Variants in TTLL8 observed in about 807,000 individuals in gnomAD.
The protein encoded by TTLL8 is protein monoglycylase TTLL8.
A neutral mutation model predicts 77.8 loss-of-function variants in TTLL8; 65 were observed. That is an observed-to-expected ratio of 0.84 (90% CI 0.68 to 1.03). The LOEUF (loss-of-function observed/expected upper bound fraction) is 1.03. Ranked by LOEUF, TTLL8 falls within the 50% of genes least tolerant of loss-of-function variation. The pLI, the probability that TTLL8 is intolerant of heterozygous loss-of-function variation, is 0.00. For synonymous variants in TTLL8, 402 were observed against 422.8 expected, an observed-to-expected ratio of 0.95 and a Z score of 0.60; for missense variants, 910 against 1,004.5, an observed-to-expected ratio of 0.91 and a Z score of 1.27.
intron 12 of TTLL8, among the ~76,000 whole-genome samples, chr22:50,019,221 CAGA>C (rs2061181736): frequency 6.6e-6 from 1 of 152,056 alleles, no homozygotes; most frequent in Non-Finnish European, 1.5e-5. Flanking sequence ...ACCTCCAAAC[CAGA>C]AGAAGGAAAA....
Position 50,034,237 on chromosome 22 carries a change from C to T in TTLL8, c.1039+108G>A, listed in dbSNP as rs543939569. The T allele has an allele frequency of 1.4e-5, 17 of 1,210,714 alleles. No homozygotes were observed. The Admixed American group carries it at 4.5e-4, about 32-fold the overall frequency. 75.0% of individuals were successfully genotyped at this position (1,210,714 alleles called of 1,614,324 possible). On this transcript the variant is annotated intron_variant, in intron 9 of 13. Coordinates refer to ENST00000266182, the Ensembl canonical transcript of TTLL8. The surrounding 1 kb of genome is among the most constrained non-coding windows in gnomAD (Gnocchi z 4.1). ...GCCTGCCTCGGCGTTCTGCTCCCTCCCTTCCTTCCCTGTGGTGCTGTGGGC... is the reference window on the plus strand; with the variant it reads ...GCCTGCCTCGGCGTTCTGCTCCCTCTCTTCCTTCCCTGTGGTGCTGTGGGC...
intron 4 of TTLL8, among the ~76,000 whole-genome samples, chr22:50,046,358 G>A (rs1316905297): frequency 2.0e-5 from 3 of 152,200 alleles, no homozygotes; most frequent in Non-Finnish European, 4.4e-5. Flanking sequence ...TGCAGGGCCC[G>A]GAACGCAGCC....
chr22:50,025,426 G>A (rs1159088485), intron 12 of TTLL8, among the ~76,000 whole-genome samples: 3 of 152,152 alleles, frequency 2.0e-5, no homozygotes, highest in Non-Finnish European at 4.4e-5. Flanking sequence ...CAGCACCTGA[G>A]GTCGGGAGTT....
In TTLL8 at chr22:50,044,907, G is replaced by A. The variant is rs2061398636; in HGVS notation, c.643+348C>T. On this transcript the variant is annotated intron_variant, in intron 6 of 13. Transcript: ENST00000266182. This position sits in a 1 kb window ranked among gnomAD's most constrained non-coding sequence, Gnocchi z 4.2. ...TGTCCTCTCCCACGGGGCCCCTTTG[G>A]GGAGACTCAGGCTGCGGCATCGTGG... Among the ~76,000 whole-genome samples the A allele has an allele frequency of 6.6e-6, 1 of 152,176 alleles. No individual in the cohort carries two copies. The highest frequency in any genetic ancestry group is 1.5e-5 in the Non-Finnish European group (1 of 68,028).
intron 4 of TTLL8, among the ~76,000 whole-genome samples, chr22:50,046,648 C>T (rs1465041521): frequency 1.3e-5 from 2 of 152,240 alleles, no homozygotes; most frequent in Non-Finnish European, 2.9e-5. Flanking sequence ...GGCAGCCGCA[C>T]CTGGCCTGCT....
At chr22:50,030,791 C>T (rs1307068165) in exon 12 of TTLL8, 2 of 1,348,964 alleles carry the variant, frequency 1.5e-6, no homozygotes. Context: ...CCCGTGCCTT[C>T]AGCGGCTGCG....
upstream of TTLL8, chr22:50,055,265 A>G (rs2061464984): frequency 7.8e-7 from 1 of 1,289,854 alleles, no homozygotes; most frequent in African/African-American, 1.5e-5. Context: ...CTGCCTTGCT[A>G]TTTTGTATCT....
At chr22:50,050,665 A>G (rs1291072153) in intron 1 of TTLL8, among the ~76,000 whole-genome samples, 1 of 152,204 alleles carries the variant, frequency 6.6e-6, no homozygotes, top group African/African-American at 2.4e-5. Flanking sequence ...ACCACCACCC[A>G]GCCCTAGGAG....
Position 50,046,112 on chromosome 22 carries a change from TCCCCAGATATACGGTC to T in TTLL8, c.394-158_394-143del, listed in dbSNP as rs2061409743. ...CACCCCTAGGGCGGATCCCTCCCCC[TCCCCAGATATACGGTC>T]CCCCAGGGCCCCAGAACACCCCCTC... On this transcript the variant is annotated intron_variant, in intron 4 of 13. Transcript: ENST00000266182. 11 of 640,316 alleles carry T rather than the reference TCCCCAGATATACGGTC, an allele frequency of 1.7e-5. No individual in the cohort carries two copies. In the South Asian group the frequency reaches 1.8e-4, roughly 10 times the overall value. The allele number at this position is 640,316 out of a possible 1,614,324, so 39.7% of individuals were successfully genotyped here.
At chr22:50,058,163 G>T (rs1478526766), upstream of TTLL8, among the ~76,000 whole-genome samples, 3 of 151,972 alleles carry the variant, frequency 2.0e-5, no homozygotes, top group Non-Finnish European at 4.4e-5. The surrounding 1 kb of genome is among the most constrained non-coding windows in gnomAD (Gnocchi z 4.2). Flanking sequence ...CCGGGGACCG[G>T]GTCAGTGGCT....
upstream of TTLL8, chr22:50,056,910 G>A (rs1029666572): frequency 4.1e-5 from 53 of 1,289,590 alleles, no homozygotes; most frequent in Non-Finnish European, 4.8e-5. This position sits in a 1 kb window ranked among gnomAD's most constrained non-coding sequence, Gnocchi z 4.1. Context: ...AGAAGCCAAC[G>A]ATAGCCCCTT....
intron 4 of TTLL8, 129 bp from the exon 7 acceptor site, chr22:50,046,099 G>T: frequency 1.3e-6 from 1 of 787,362 alleles, no homozygotes; most frequent in Non-Finnish European, 1.8e-6. Flanking sequence ...CCCCTAGGGC[G>T]GATCCCTCCC....
At chr22:50,052,241 G>C (rs563526299) in intron 1 of TTLL8, among the ~76,000 whole-genome samples, 3 of 152,158 alleles carry the variant, frequency 2.0e-5, no homozygotes, top group Non-Finnish European at 4.4e-5. Context: ...TGGACAGTCC[G>C]CAAGAGGGCT....
At chr22:50,046,444 C>T (rs1388717865) in intron 4 of TTLL8, among the ~76,000 whole-genome samples, 1 of 152,208 alleles carries the variant, frequency 6.6e-6, no homozygotes, top group African/African-American at 2.4e-5. Flanking sequence ...CCCCGCACCC[C>T]GATGTCTGGT....
chr22:50,027,108 C>T (rs921130107), intron 12 of TTLL8, among the ~76,000 whole-genome samples: 2 of 151,978 alleles, frequency 1.3e-5, no homozygotes, highest in Admixed American at 6.6e-5. Context: ...TGGTGGTGCG[C>T]GCCTGTAGTC....
At position 50,019,389 on chromosome 22, in the gene TTLL8, C is replaced by T. The variant is rs963089064; in HGVS notation, c.2204-2827G>A. ...GGCAGCCCCCAGTGATCCTCACCCC[C>T]AGGCAATCACGCATGTGTGCTCCCC... On this transcript the variant is annotated intron_variant, in intron 12 of 13. Transcript: ENST00000266182. 9.8e-5 allele frequency among the ~76,000 whole-genome samples: 15 copies of T among 152,350 alleles called. No individual in the cohort carries two copies. The East Asian group carries it at 1.5e-3, about 16-fold the overall frequency.
upstream of TTLL8, among the ~76,000 whole-genome samples, chr22:50,057,413 GAGGTCTGGGTTGGGGGTC>G (rs1282527037): frequency 5.7e-3 from 269 of 47,610 alleles, no homozygotes; most frequent in East Asian, 0.021. Context: ...GGTTGGGCGG[GAGGTCTGGGTTGGGGGTC>G]AGGTCTGGGT....
At position 50,038,577 on chromosome 22, in the gene TTLL8, C is replaced by G. The variant is rs534863463; in HGVS notation, c.921+2610G>C. On this transcript the variant is annotated intron_variant, in intron 8 of 13. Coordinates refer to ENST00000266182, the Ensembl canonical transcript of TTLL8. Reference sequence around the variant, plus strand: ...CTGTAATGCTAGCACTTTGGGAGGCCAAAGCAGGAGGACTGCTTGAGGCCA... The same window carrying G: ...CTGTAATGCTAGCACTTTGGGAGGCGAAAGCAGGAGGACTGCTTGAGGCCA... Among the ~76,000 whole-genome samples the G allele has an allele frequency of 5.3e-5, 8 of 152,230 alleles. No homozygotes were observed. In the South Asian group the frequency reaches 1.7e-3, roughly 32 times the overall value.
At chr22:50,057,527 C>CTGGGTTGGGGGGTCAGGTT (rs2061485272), upstream of TTLL8, among the ~76,000 whole-genome samples, 3 of 49,094 alleles carry the variant, frequency 6.1e-5, no homozygotes, top group Admixed American at 3.0e-4. Context: ...GGGGTCAGGT[C>CTGGGTTGGGGGGTCAGGTT]TGGGTTGAGC....
Sources: gnomAD v4.1 joint callset for allele counts (sites outside exome capture counted in the v4.1 genomes callset) on GRCh38, gnomAD v4.1.1 for gene constraint, Gnocchi (gnomAD v3.1) non-coding constraint, MANE v1.5 for transcripts, NCBI Gene and HGNC (gene_info 2026-07-23, HGNC 2026-07-21) for gene names.